Variants in SPECC1L observed in about 807,000 individuals in gnomAD.
The protein encoded by SPECC1L is sperm antigen with calponin homology and coiled-coil domains 1 like, also known as cytospin-A.
Under a neutral mutation model 116.8 loss-of-function variants are expected in SPECC1L, and 40 were observed. The observed-to-expected ratio is 0.34, with a 90% CI of 0.27 to 0.45. The LOEUF (loss-of-function observed/expected upper bound fraction) is 0.45, where lower values mean the gene tolerates loss of function less well. Among genes scored for constraint, SPECC1L ranks in the 20% least tolerant of loss-of-function variants. The pLI is 1.00. For synonymous variants in SPECC1L, 504 were observed against 500.6 expected, an observed-to-expected ratio of 1.01 and a Z score of -0.09; for missense variants, 1,110 against 1,373.6, an observed-to-expected ratio of 0.81 and a Z score of 3.03.
At chr22:24,380,045 A>G (rs1285814330) in intron 14 of SPECC1L, among the ~76,000 whole-genome samples, 3 of 151,992 alleles carry the variant, frequency 2.0e-5, no homozygotes, top group Non-Finnish European at 2.9e-5. Flanking sequence ...TAATTTTTGT[A>G]TTCTTAGTGG....
intron 1 of SPECC1L, among the ~76,000 whole-genome samples, chr22:24,275,724 G>A (rs575798016): frequency 1.3e-5 from 2 of 152,030 alleles, no homozygotes; most frequent in African/African-American, 4.8e-5. Flanking sequence ...TTTATTTTTA[G>A]TTGTTTTCAG....
chr22:24,344,592 C>CAAAAAAA (rs35725042), intron 10 of SPECC1L, among the ~76,000 whole-genome samples: 7 of 117,926 alleles, frequency 5.9e-5, no homozygotes, highest in Non-Finnish European at 9.1e-5. Flanking sequence ...TGCATAAGAC[C>CAAAAAAA]AAAAAAAAAA....
At chr22:24,289,919 A>C (rs1270619971) in intron 2 of SPECC1L, among the ~76,000 whole-genome samples, 2 of 152,144 alleles carry the variant, frequency 1.3e-5, no homozygotes, top group African/African-American at 4.8e-5. Context: ...GACAATGGCA[A>C]CATCAACAAA....
In SPECC1L at chr22:24,314,053, C is replaced by T. The variant is rs56232238; in HGVS notation, c.307+587C>T. On this transcript the variant is annotated intron_variant, in intron 4 of 16. Transcript: ENST00000314328. ...CACCTGGCCAAGGAGAAGGATTTTT[C>T]TTTTTTTTTGAGATGGAGTTTCGCT... Among the ~76,000 whole-genome samples, 1,173 of 148,300 alleles carry T rather than the reference C, an allele frequency of 7.9e-3. 9 individuals carry two copies. Among genetic ancestry groups the T allele is most frequent in the South Asian group, 0.025 (116 of 4,668 alleles).
At chr22:24,405,467 G>A (rs927176110) in intron 14 of SPECC1L, among the ~76,000 whole-genome samples, 4 of 152,018 alleles carry the variant, frequency 2.6e-5, no homozygotes, top group African/African-American at 4.8e-5. Context: ...ATTCTGTTGC[G>A]TGTTGGTGTC....
At chr22:24,329,715 TC>T (rs2040901352) in intron 7 of SPECC1L, among the ~76,000 whole-genome samples, 1 of 152,146 alleles carries the variant, frequency 6.6e-6, no homozygotes, top group Admixed American at 6.5e-5. Flanking sequence ...ACCACGTAGT[TC>T]CTTACCGCCT....
intron 2 of SPECC1L, among the ~76,000 whole-genome samples, chr22:24,295,445 C>T (rs748434942): frequency 2.0e-5 from 3 of 149,938 alleles, no homozygotes; most frequent in Non-Finnish European, 3.0e-5. Flanking sequence ...GGTACGGATC[C>T]CGTCACCCAG....
intron 2 of SPECC1L, among the ~76,000 whole-genome samples, chr22:24,284,336 T>A (rs1386091988): frequency 6.6e-6 from 1 of 152,210 alleles, no homozygotes; most frequent in East Asian, 1.9e-4. Context: ...CTTCTTTAGT[T>A]CATAGACGTA....
chr22:24,382,704 CAAAAAA>C (rs34174849), intron 14 of SPECC1L, among the ~76,000 whole-genome samples: 3,231 of 59,608 alleles, frequency 0.054, 73 homozygotes, highest in African/African-American at 0.12. Context: ...GACTCCATCT[CAAAAAA>C]AAAAAAAAAA....
At chr22:24,338,259 C>T in intron 9 of SPECC1L, 127 bp from the exon 10 acceptor site, 7 of 894,020 alleles carry the variant, frequency 7.8e-6, no homozygotes, top group Non-Finnish European at 1.1e-5. Flanking sequence ...AGAGGCTAGA[C>T]ATCAGCCAAG....
intron 2 of SPECC1L, among the ~76,000 whole-genome samples, chr22:24,294,944 G>A (rs1422886259): frequency 8.5e-5 from 13 of 152,138 alleles, no homozygotes; most frequent in Admixed American, 7.9e-4. Context: ...CTAGTAAAGA[G>A]TCTATGAGTT....
rs1397260068 is a variant in SPECC1L at position 24,330,363 on chromosome 22, C to T, written c.2328C>T (p.Arg776=). Reference sequence around the variant, plus strand: ...AAGAGGAGATTGGTGATCTAAAGCGCCGGTTACATGAGGCTCAAGAAAAAA... The same window carrying T: ...AAGAGGAGATTGGTGATCTAAAGCGTCGGTTACATGAGGCTCAAGAAAAAA... ...EAQEEIGDLK[R]RLHEAQEKNE... is the part of the protein sequence containing the mutation. The change falls in exon 8 of 17, where the codon CGC becomes CGT. Residue 776 remains arginine (R), a synonymous_variant. Coordinates refer to ENST00000314328, the MANE Select transcript of SPECC1L (RefSeq NM_015330.6). 1.2e-6 allele frequency: 2 copies of T among 1,614,052 alleles called. No individual in the cohort carries two copies. Among genetic ancestry groups the T allele is most frequent in the East Asian group, 2.2e-5 (1 of 44,876 alleles).
intron 3 of SPECC1L, among the ~76,000 whole-genome samples, chr22:24,302,721 C>T (rs1372803787): frequency 6.6e-6 from 1 of 152,032 alleles, no homozygotes; most frequent in Admixed American, 6.6e-5. Flanking sequence ...ATGAAAATAC[C>T]CAGGGAGAAT....
chr22:24,321,993 A>G lies in SPECC1L; in HGVS notation c.1013A>G (p.His338Arg). The change falls in exon 5 of 17, where the codon CAC becomes CGC. Residue 338 changes from histidine to arginine, a missense_variant. Transcript: ENST00000314328. The stretch of plus-strand genomic sequence containing the variant: ...GAAAATACACTAATGGACCATCAGC[A>G]CAGTAACTCCATGGACAATTTAGAC... The part of the protein sequence containing the change: ...QDENTLMDHQ[H>R]SNSMDNLDSE... 6.2e-7 allele frequency: 1 copy of G among 1,614,230 alleles called. No homozygotes were observed. Among genetic ancestry groups the G allele is most frequent in the Non-Finnish European group, 8.5e-7 (1 of 1,180,036 alleles).
chr22:24,305,958 G>A (rs1340829001), intron 3 of SPECC1L, among the ~76,000 whole-genome samples: 3 of 148,080 alleles, frequency 2.0e-5, no homozygotes, highest in African/African-American at 7.5e-5. Flanking sequence ...TTTCACTCTT[G>A]TTGCCCAGGC....
At chr22:24,351,400 T>C (rs1172013075) in intron 11 of SPECC1L, among the ~76,000 whole-genome samples, 2 of 152,212 alleles carry the variant, frequency 1.3e-5, no homozygotes, top group Non-Finnish European at 2.9e-5. Context: ...GCCAAGGTTA[T>C]TGAAAACACA....
At chr22:24,342,672 C>CAAAAA (rs35947804) in intron 10 of SPECC1L, among the ~76,000 whole-genome samples, 2 of 102,184 alleles carry the variant, frequency 2.0e-5, no homozygotes, top group African/African-American at 3.6e-5. Flanking sequence ...GACTCCATCT[C>CAAAAA]AAAAAAAAAA....
intron 4 of SPECC1L, among the ~76,000 whole-genome samples, chr22:24,317,398 C>T (rs1490835274): frequency 3.4e-5 from 4 of 118,870 alleles, no homozygotes; most frequent in African/African-American, 8.9e-5. Flanking sequence ...CGGGCAGAGG[C>T]GCCCCTCACC....
intron 14 of SPECC1L, among the ~76,000 whole-genome samples, chr22:24,400,539 A>G (rs1443812436): frequency 1.3e-5 from 2 of 152,094 alleles, no homozygotes; most frequent in Non-Finnish European, 2.9e-5. Context: ...GTTCCTGTAC[A>G]GGTATTTGTT....
Sources: allele counts gnomAD v4.1 joint callset (sites outside exome capture counted in the v4.1 genomes callset), GRCh38; gene constraint gnomAD v4.1.1; transcripts MANE v1.5; gene names NCBI Gene and HGNC (gene_info 2026-07-23, HGNC 2026-07-21).